DCC: variants seen among roughly 807,000 people sequenced by gnomAD.
DCC encodes netrin receptor DCC.
In DCC, 58 loss-of-function variants were observed where a neutral mutation model predicts 172.5. The observed-to-expected ratio is 0.34, with a 90% CI of 0.27 to 0.42. The LOEUF is 0.42. DCC is among the 10% of genes least tolerant of loss of function. The pLI, the probability that DCC is intolerant of heterozygous loss-of-function variation, is 1.00. For missense variants in DCC, 1,740 were observed against 1,791.0 expected, an observed-to-expected ratio of 0.97 and a Z score of 0.51; for synonymous variants, 709 against 644.5, an observed-to-expected ratio of 1.10 and a Z score of -1.52.
At chr18:53,216,162 A>T (rs2055845620) in intron 12 of DCC, among the ~76,000 whole-genome samples, 1 of 152,198 alleles carries the variant, frequency 6.6e-6, no homozygotes, top group Non-Finnish European at 1.5e-5. Flanking sequence ...AGCTCAACTT[A>T]GGCTAGTATT....
At chr18:52,748,928 G>A (rs1366395749) in intron 1 of DCC, among the ~76,000 whole-genome samples, 1 of 152,222 alleles carries the variant, frequency 6.6e-6, no homozygotes, top group Non-Finnish European at 1.5e-5. Flanking sequence ...TGGACCCATT[G>A]GCTCATGCCT....
rs1373752738 is a variant in DCC, at chr18:53,450,458, C to G, written c.3230-42C>G. ...AGAGAGCTTGGTAAAACTTCTGCCA[C>G]ATCTTCCTAAACCTGAACTCCATTT... On this transcript the variant is annotated intron_variant, in intron 22 of 28. Coordinates refer to ENST00000442544, the MANE Select transcript of DCC (RefSeq NM_005215.4). The G allele has an allele frequency of 2.5e-6, 4 of 1,610,252 alleles. No individual in the cohort carries two copies. The South Asian group carries it at 4.4e-5, about 18-fold the overall frequency.
At chr18:53,053,780 T>A (rs755438370) in intron 5 of DCC, among the ~76,000 whole-genome samples, 3 of 152,174 alleles carry the variant, frequency 2.0e-5, no homozygotes, top group African/African-American at 4.8e-5. Flanking sequence ...ATATTTATTA[T>A]TTGTGGCATC....
intron 1 of DCC, among the ~76,000 whole-genome samples, chr18:52,722,325 A>G (rs1406377245): frequency 6.6e-6 from 1 of 152,110 alleles, no homozygotes; most frequent in Admixed American, 6.6e-5. Context: ...GCTAACTTCC[A>G]TCTGTGGCAG....
chr18:53,414,019 A>G (rs1910149287), intron 20 of DCC, among the ~76,000 whole-genome samples: 2 of 152,186 alleles, frequency 1.3e-5, no homozygotes, highest in Non-Finnish European at 1.5e-5. Flanking sequence ...TATCAATACT[A>G]TAATAAAACA....
intron 12 of DCC, among the ~76,000 whole-genome samples, chr18:53,255,273 G>C (rs919068436): frequency 4.6e-5 from 7 of 151,038 alleles, no homozygotes; most frequent in Non-Finnish European, 8.9e-5. Context: ...ATGCAGGTTT[G>C]TTACATATGT....
intron 23 of DCC, among the ~76,000 whole-genome samples, chr18:53,453,750 C>T (rs2045447079): frequency 6.6e-6 from 1 of 152,130 alleles, no homozygotes; most frequent in Non-Finnish European, 1.5e-5. Context: ...AATGAAGACC[C>T]TTAATACTTG....
rs780085057 is a variant in DCC, at chr18:52,975,872, G to A, written c.985+50502G>A. ...GATTTTTATTTCTTTGGGTATATACGCAGTAGTAGGATTGCTGGGTCAAAT... is the reference window on the plus strand; with the variant it reads ...GATTTTTATTTCTTTGGGTATATACACAGTAGTAGGATTGCTGGGTCAAAT... On this transcript the variant is annotated intron_variant, in intron 5 of 28. Transcript: ENST00000442544. Among the ~76,000 whole-genome samples the A allele has an allele frequency of 3.5e-4, 53 of 152,042 alleles. 1 individual carries two copies. The highest frequency in any genetic ancestry group is 5.4e-4 in the Non-Finnish European group (37 of 68,016).
At chr18:53,391,959 C>A in intron 17 of DCC, 72 bp downstream of exon 17, 6 of 886,076 alleles carry the variant, frequency 6.8e-6, no homozygotes, top group Non-Finnish European at 1.1e-5. Flanking sequence ...TTAAACCTCT[C>A]CTGGACTGTC....
At chr18:53,025,556 T>G (rs923699189) in intron 5 of DCC, among the ~76,000 whole-genome samples, 2 of 152,136 alleles carry the variant, frequency 1.3e-5, no homozygotes, top group African/African-American at 4.8e-5. Flanking sequence ...AACAGTAGTT[T>G]AATGCCAATC....
intron 21 of DCC, among the ~76,000 whole-genome samples, chr18:53,425,355 C>CTTTTTTTT (rs1338640000): frequency 4.5e-4 from 39 of 86,548 alleles, no homozygotes; most frequent in East Asian, 1.1e-3. Flanking sequence ...CGTTTCTCCT[C>CTTTTTTTT]TCTTTTTTTT....
At chr18:53,339,376 C>T (rs1351265025) in intron 14 of DCC, among the ~76,000 whole-genome samples, 1 of 152,106 alleles carries the variant, frequency 6.6e-6, no homozygotes, top group Non-Finnish European at 1.5e-5. Flanking sequence ...ATTATTCTTA[C>T]ATCTGCCTTG....
chr18:52,795,516 G>A (rs764264949), intron 2 of DCC, among the ~76,000 whole-genome samples: 2 of 151,660 alleles, frequency 1.3e-5, no homozygotes, highest in South Asian at 4.2e-4. Flanking sequence ...GGTTAATCTA[G>A]CTAGCAGTTT....
chr18:53,273,486 T>C (rs1051305642), intron 12 of DCC, among the ~76,000 whole-genome samples: 8 of 152,148 alleles, frequency 5.3e-5, no homozygotes, highest in African/African-American at 1.9e-4. Context: ...CATATATCAT[T>C]AAAATCCTTT....
chr18:53,530,857 T>A lies in DCC; in HGVS notation c.*204T>A, dbSNP rs2046518329. ...GCATCAGGAATTGTCAAATGATGAT[T>A]ATGAGTTCCCTAAACAAAAGCAAAG... On this transcript the variant is annotated 3_prime_UTR_variant, in exon 29 of 29. Coordinates refer to ENST00000442544, the MANE Select transcript of DCC (RefSeq NM_005215.4). 1 of 635,878 alleles carries A rather than the reference T, an allele frequency of 1.6e-6. No individual in the cohort carries two copies. The highest frequency in any genetic ancestry group is 2.8e-6 in the Non-Finnish European group (1 of 352,918). The allele number at this position is 635,878 out of a possible 1,614,324, so 39.4% of individuals were successfully genotyped here.
chr18:52,452,263 A>T (rs1988328911), intron 1 of DCC, among the ~76,000 whole-genome samples: 1 of 152,242 alleles, frequency 6.6e-6, no homozygotes. Context: ...TTAGGTAGAA[A>T]TACATTCCAT....
At chr18:53,055,330 A>T (rs2042389229) in intron 5 of DCC, among the ~76,000 whole-genome samples, 1 of 152,176 alleles carries the variant, frequency 6.6e-6, no homozygotes, top group East Asian at 1.9e-4. Flanking sequence ...AAAAGTAAAT[A>T]TCCCACTTGG....
At chr18:52,505,545 A>G (rs1295303490) in intron 1 of DCC, among the ~76,000 whole-genome samples, 1 of 152,218 alleles carries the variant, frequency 6.6e-6, no homozygotes, top group African/African-American at 2.4e-5. Context: ...ATATACACAC[A>G]TACAATATCA....
intron 8 of DCC, among the ~76,000 whole-genome samples, chr18:53,157,997 A>G (rs1305376851): frequency 1.3e-5 from 2 of 152,232 alleles, no homozygotes; most frequent in Non-Finnish European, 2.9e-5. Flanking sequence ...TGTAATGCAA[A>G]AGACAAATGC....
Sources: gnomAD v4.1 joint callset for allele counts (sites outside exome capture counted in the v4.1 genomes callset) on GRCh38, gnomAD v4.1.1 for gene constraint, MANE v1.5 for transcripts, NCBI Gene and HGNC (gene_info 2026-07-23, HGNC 2026-07-21) for gene names.